TMEM117: variants seen among roughly 807,000 people sequenced by gnomAD.
TMEM117 encodes the protein transmembrane protein 117.
Under a neutral mutation model 52.4 loss-of-function variants are expected in TMEM117, and 27 were observed. The observed-to-expected ratio is 0.51, with a 90% CI of 0.38 to 0.71. The LOEUF is 0.71. Among genes scored for constraint, TMEM117 ranks in the 30% least tolerant of loss-of-function variants. TMEM117 has a pLI of 0.00. For synonymous variants in TMEM117, 215 were observed against 206.3 expected (o/e 1.04, Z -0.36); for missense variants, 556 against 630.5 (o/e 0.88, Z 1.26).
At position 43,909,205 on chromosome 12, in the gene TMEM117, G is replaced by A. The variant is rs1359850056; in HGVS notation, c.278-35005G>A. On this transcript the variant is annotated intron_variant, in intron 2 of 7. Transcript: ENST00000266534. ...AGGATTAAGAATCTCACTCAAAGCC[G>A]CTCAACTACATGGAAACTGAACAAC... 6.6e-5 allele frequency among the ~76,000 whole-genome samples: 4 copies of A among 60,294 alleles called. 1 individual carries two copies. Among genetic ancestry groups the A allele is most frequent in the African/African-American group, 1.3e-4 (4 of 31,256 alleles). The allele number at this position is 60,294 out of a possible 152,430, so 39.6% of individuals were successfully genotyped here.
At chr12:44,072,015 G>A (rs1404681901) in intron 3 of TMEM117, among the ~76,000 whole-genome samples, 1 of 152,126 alleles carries the variant, frequency 6.6e-6, no homozygotes, top group Non-Finnish European at 1.5e-5. Flanking sequence ...AAATTTAATA[G>A]CCAGAATGGC....
upstream of TMEM117, among the ~76,000 whole-genome samples, chr12:43,834,068 G>A: frequency 6.6e-6 from 1 of 152,190 alleles, no homozygotes; most frequent in East Asian, 1.9e-4. Flanking sequence ...ACTCCAGCCT[G>A]GGGTACAGAG....
chr12:44,137,096 CA>C (rs201028902), intron 3 of TMEM117, among the ~76,000 whole-genome samples: 3,322 of 98,330 alleles, frequency 0.034, 72 homozygotes, highest in East Asian at 0.087. Context: ...TTTCATTTGC[CA>C]AAAAAAAAAA....
At chr12:44,307,949 GA>G (rs1435504008) in intron 6 of TMEM117, among the ~76,000 whole-genome samples, 21 of 152,230 alleles carry the variant, frequency 1.4e-4, no homozygotes, top group African/African-American at 4.6e-4. Context: ...ACTTGAAAAT[GA>G]AACTAATGGT....
Position 43,961,992 on chromosome 12 carries a change from A to G in TMEM117, c.410+17650A>G, listed in dbSNP as rs933564819. 3.3e-5 allele frequency among the ~76,000 whole-genome samples: 5 copies of G among 152,314 alleles called. No homozygotes were observed. In the East Asian group the frequency reaches 7.7e-4, roughly 23 times the overall value. ...GGTTATCCTATTTGTTATTAACTCC[A>G]TAGTTATTCTTGAGGAATTGATGAA... On this transcript the variant is annotated intron_variant, in intron 3 of 7. Coordinates refer to ENST00000266534, the MANE Select transcript of TMEM117 (RefSeq NM_032256.3).
At chr12:43,839,178 C>T (rs895423301) in intron 1 of TMEM117, among the ~76,000 whole-genome samples, 2 of 152,092 alleles carry the variant, frequency 1.3e-5, no homozygotes, top group African/African-American at 4.8e-5. Context: ...TCTTTGGCAA[C>T]GGCTTCCTCA....
At chr12:44,169,638 A>G (rs185258161) in intron 4 of TMEM117, among the ~76,000 whole-genome samples, 28 of 152,302 alleles carry the variant, frequency 1.8e-4, no homozygotes, top group Non-Finnish European at 1.5e-4. Context: ...CTTCCATTCC[A>G]TGGTTGCCTT....
intron 5 of TMEM117, among the ~76,000 whole-genome samples, chr12:44,267,417 A>T (rs1950392023): frequency 2.0e-5 from 3 of 152,154 alleles, no homozygotes; most frequent in Non-Finnish European, 4.4e-5. Flanking sequence ...CACTTAATGA[A>T]TTTGGAAATA....
intron 3 of TMEM117, chr12:44,009,137 T>C (rs748120079): frequency 1.9e-5 from 6 of 313,910 alleles, no homozygotes; most frequent in Non-Finnish European, 3.1e-5. Context: ...CAAGTTTCTT[T>C]ACTTCCTTGG....
At chr12:44,249,844 A>G (rs1179385767) in intron 5 of TMEM117, among the ~76,000 whole-genome samples, 2 of 152,250 alleles carry the variant, frequency 1.3e-5, no homozygotes, top group Non-Finnish European at 2.9e-5. Flanking sequence ...AATTAACTCA[A>G]GATGGATTAA....
the TMEM117 span, among the ~76,000 whole-genome samples, chr12:43,801,236 C>T: frequency 3.9e-5 from 6 of 152,048 alleles, no homozygotes; most frequent in Admixed American, 2.6e-4. Context: ...CACGGCTTAC[C>T]GATGGCACAT....
the TMEM117 span, chr12:43,802,490 T>C: frequency 9.0e-6 from 14 of 1,560,376 alleles, no homozygotes; most frequent in East Asian, 6.8e-5. Flanking sequence ...TTTAGAAAGA[T>C]AGGTAAATGG....
At chr12:43,975,723 T>G (rs1344911092) in intron 3 of TMEM117, among the ~76,000 whole-genome samples, 1 of 152,222 alleles carries the variant, frequency 6.6e-6, no homozygotes, top group South Asian at 2.1e-4. Context: ...TAAAATAAAC[T>G]TTTATTCACC....
chr12:44,205,943 C>T (rs1949559530), intron 4 of TMEM117, among the ~76,000 whole-genome samples: 2 of 152,126 alleles, frequency 1.3e-5, no homozygotes. Flanking sequence ...CGTGGAGACC[C>T]TAACCCAGAG....
At chr12:44,290,854 T>TG (rs1950695125) in intron 5 of TMEM117, among the ~76,000 whole-genome samples, 1 of 152,138 alleles carries the variant, frequency 6.6e-6, no homozygotes, top group African/African-American at 2.4e-5. Context: ...TTACCCAGGG[T>TG]GGTCTGGAAC....
intron 3 of TMEM117, among the ~76,000 whole-genome samples, chr12:44,075,550 C>T (rs1947368882): frequency 1.3e-5 from 2 of 152,140 alleles, no homozygotes; most frequent in Admixed American, 6.5e-5. Flanking sequence ...AGATTTTTTA[C>T]TTGTAAAACA....
intron 5 of TMEM117, among the ~76,000 whole-genome samples, chr12:44,297,495 A>G (rs996430157): frequency 1.3e-5 from 2 of 152,146 alleles, no homozygotes; most frequent in Non-Finnish European, 2.9e-5. Flanking sequence ...GAGGCTGGGG[A>G]GAAAAAGAAA....
intron 6 of TMEM117, among the ~76,000 whole-genome samples, chr12:44,311,757 G>GTA (rs60287681): frequency 1.7e-5 from 2 of 115,008 alleles, no homozygotes; most frequent in East Asian, 2.0e-4. Flanking sequence ...GTGTATATAT[G>GTA]TATATATATA....
At chr12:44,100,152 G>A (rs1003253040) in intron 3 of TMEM117, among the ~76,000 whole-genome samples, 3 of 151,954 alleles carry the variant, frequency 2.0e-5, no homozygotes, top group African/African-American at 7.2e-5. Context: ...TTTATATTAT[G>A]TAGTGTACTG....
Sources: gnomAD v4.1 joint callset for allele counts (sites outside exome capture counted in the v4.1 genomes callset) on GRCh38, gnomAD v4.1.1 for gene constraint, MANE v1.5 for transcripts, NCBI Gene and HGNC (gene_info 2026-07-23, HGNC 2026-07-21) for gene names.